APBB1IP: variants seen among roughly 807,000 people sequenced by gnomAD.
APBB1IP encodes amyloid beta A4 precursor protein-binding family B member 1-interacting protein.
Under a neutral mutation model 64.9 loss-of-function variants are expected in APBB1IP, and 27 were observed. The observed-to-expected ratio is 0.42, with a 90% CI of 0.31 to 0.57. The LOEUF is 0.57. Ranked by LOEUF, APBB1IP falls within the 20% of genes least tolerant of loss-of-function variation. The probability of loss-of-function intolerance (pLI) is 0.20; values close to 1 mark genes in which losing one functional copy is unlikely to be tolerated. For synonymous variants in APBB1IP, 392 were observed against 331.0 expected, an observed-to-expected ratio of 1.18 and a Z score of -2.00; for missense variants, 812 against 845.5, an observed-to-expected ratio of 0.96 and a Z score of 0.49.
Position 26,513,578 on chromosome 10 carries a change from TA to T in APBB1IP, c.732del (p.Leu244PhefsTer47). On this transcript the variant is annotated frameshift_variant, in exon 8 of 15. Coordinates refer to ENST00000376236, the MANE Select transcript of APBB1IP (RefSeq NM_019043.4). LOFTEE classifies it high-confidence loss of function. ...FEDHENVVEV[L>X]SDWTRDTENK... ...GACCATGAAAATGTTGTTGAAGTCTTATCAGACTGGACAAGAGACACAGAAA... is the reference window on the plus strand; with the variant it reads ...GACCATGAAAATGTTGTTGAAGTCTTTCAGACTGGACAAGAGACACAGAAA... The T allele has an allele frequency of 6.2e-7, 1 of 1,612,940 alleles. No homozygotes were observed. The highest frequency in any genetic ancestry group is 8.5e-7 in the Non-Finnish European group (1 of 1,179,768).
intron 2 of APBB1IP, among the ~76,000 whole-genome samples, chr10:26,474,262 C>T (rs1310606891): frequency 6.6e-6 from 1 of 152,188 alleles, no homozygotes; most frequent in Non-Finnish European, 1.5e-5. Context: ...AATTTGTGCT[C>T]TGCCTAGGGC....
chr10:26,503,001 A>C (rs1052736320), intron 5 of APBB1IP, among the ~76,000 whole-genome samples, 196 bp from the exon 6 acceptor site: 4 of 152,240 alleles, frequency 2.6e-5, no homozygotes, highest in African/African-American at 4.8e-5. Flanking sequence ...CAGGTAATGG[A>C]TACCCCATTT....
intron 8 of APBB1IP, among the ~76,000 whole-genome samples, chr10:26,520,720 G>A (rs1310870301): frequency 6.6e-6 from 1 of 152,212 alleles, no homozygotes; most frequent in Non-Finnish European, 1.5e-5. Flanking sequence ...GTCACCTGCT[G>A]TGTGATCTTG....
At chr10:26,508,820 A>G (rs778003713) in intron 6 of APBB1IP, among the ~76,000 whole-genome samples, 4 of 152,078 alleles carry the variant, frequency 2.6e-5, no homozygotes, top group Admixed American at 6.6e-5. Flanking sequence ...CTAGTTTCCA[A>G]TTTCTGCAAA....
intron 6 of APBB1IP, among the ~76,000 whole-genome samples, chr10:26,506,257 G>GGC (rs1836176668): frequency 7.1e-6 from 1 of 140,804 alleles, no homozygotes; most frequent in African/African-American, 2.5e-5. Context: ...GTGTGGGGGG[G>GGC]GGGGGTGGGG....
chr10:26,494,947 G>A (rs997712898), intron 3 of APBB1IP, among the ~76,000 whole-genome samples: 2 of 152,060 alleles, frequency 1.3e-5, no homozygotes, highest in African/African-American at 4.8e-5. Flanking sequence ...TTGGCTTAGA[G>A]GAAGGGGTGC....
At chr10:26,521,215 G>C (rs1836397324) in intron 8 of APBB1IP, among the ~76,000 whole-genome samples, 1 of 152,166 alleles carries the variant, frequency 6.6e-6, no homozygotes, top group Non-Finnish European at 1.5e-5. Context: ...TTGAGATTTG[G>C]TGAGGGTGCA....
chr10:26,525,557 A>G (rs1011003845), intron 8 of APBB1IP, among the ~76,000 whole-genome samples: 6 of 152,152 alleles, frequency 3.9e-5, no homozygotes, highest in Non-Finnish European at 8.8e-5. Context: ...CCGGGGCAGT[A>G]GAACAGTATT....
intron 7 of APBB1IP, among the ~76,000 whole-genome samples, chr10:26,512,966 A>C (rs1269557505): frequency 6.6e-6 from 1 of 152,234 alleles, no homozygotes; most frequent in African/African-American, 2.4e-5. Context: ...AAGCATTCAC[A>C]CATTGCTTTT....
chr10:26,481,136 G>GTGAA (rs1476315057), intron 2 of APBB1IP, among the ~76,000 whole-genome samples: 3 of 152,128 alleles, frequency 2.0e-5, no homozygotes, highest in Non-Finnish European at 4.4e-5. Context: ...GGGCATCCAA[G>GTGAA]TGAAACTAGT....
intron 3 of APBB1IP, 78 bp downstream of exon 3, chr10:26,492,476 C>G: frequency 2.2e-6 from 3 of 1,364,180 alleles, no homozygotes; most frequent in Non-Finnish European, 3.1e-6. Context: ...GACAAGGGAG[C>G]TGTCTTTTTT....
At chr10:26,502,025 T>C (rs1446133388) in intron 5 of APBB1IP, 1 of 152,196 alleles carries the variant, frequency 6.6e-6, no homozygotes, top group Non-Finnish European at 1.5e-5. Flanking sequence ...GTATGGTCCA[T>C]GAAGATTTCG....
rs531849802 is a variant in APBB1IP, at chr10:26,473,432, T to C, written c.1-18895T>C. Among the ~76,000 whole-genome samples, 4 of 152,354 alleles carry C rather than the reference T, an allele frequency of 2.6e-5. No homozygotes were observed. In the South Asian group the frequency reaches 8.3e-4, roughly 32 times the overall value. Reference sequence around the variant, plus strand: ...CCTGTGAACAGCCGTCTTCTCTAAATGGTATAATAACTGCATTTCAGCGCT... The same window carrying C: ...CCTGTGAACAGCCGTCTTCTCTAAACGGTATAATAACTGCATTTCAGCGCT... On this transcript the variant is annotated intron_variant, in intron 2 of 14. Coordinates refer to ENST00000376236, the MANE Select transcript of APBB1IP (RefSeq NM_019043.4).
chr10:26,471,164 T>C (rs1589196139), intron 2 of APBB1IP, among the ~76,000 whole-genome samples: 1 of 152,046 alleles, frequency 6.6e-6, no homozygotes, highest in African/African-American at 2.4e-5. Flanking sequence ...CAGGGCTGGG[T>C]TTTGAACTCT....
intron 10 of APBB1IP, among the ~76,000 whole-genome samples, chr10:26,536,593 C>CT (rs58921295): frequency 0.47 from 67,249 of 143,276 alleles, 16,093 homozygotes; most frequent in East Asian, 0.62. Flanking sequence ...GATTTTCTTT[C>CT]TTTTTTTTTT....
At chr10:26,440,277 C>T (rs755008183) in intron 2 of APBB1IP, among the ~76,000 whole-genome samples, 1 of 152,138 alleles carries the variant, frequency 6.6e-6, no homozygotes, top group Non-Finnish European at 1.5e-5. Flanking sequence ...GATTGGGCTA[C>T]ATTATGTCTG....
intron 8 of APBB1IP, among the ~76,000 whole-genome samples, chr10:26,532,622 C>G (rs72803297): frequency 0.023 from 3,508 of 152,128 alleles, 52 homozygotes; most frequent in Non-Finnish European, 0.033. Context: ...GATGAGACTA[C>G]AAGCATGCAT....
chr10:26,495,982 A>T (rs1802031599), intron 3 of APBB1IP, among the ~76,000 whole-genome samples: 1 of 142,508 alleles, frequency 7.0e-6, no homozygotes, highest in African/African-American at 2.6e-5. Flanking sequence ...TATAAATATA[A>T]TATATATATT....
chr10:26,532,451 A>C (rs954210965), intron 8 of APBB1IP, among the ~76,000 whole-genome samples: 9 of 152,098 alleles, frequency 5.9e-5, no homozygotes, highest in Non-Finnish European at 1.2e-4. Flanking sequence ...CCATGAGTCC[A>C]CTTGTGAGTT....
Sources: allele counts gnomAD v4.1 joint callset (sites outside exome capture counted in the v4.1 genomes callset), GRCh38; gene constraint gnomAD v4.1.1; transcripts MANE v1.5; gene names NCBI Gene and HGNC (gene_info 2026-07-23, HGNC 2026-07-21).